Variants in ATP8A1 observed in about 807,000 individuals in gnomAD.
The protein encoded by ATP8A1 is phospholipid-transporting ATPase IA.
A neutral mutation model predicts 177.7 loss-of-function variants in ATP8A1; 90 were observed. The ratio of observed to expected loss-of-function variants is 0.51; its 90% CI spans 0.43 to 0.60. The LOEUF (loss-of-function observed/expected upper bound fraction) is 0.60, where lower values mean the gene tolerates loss of function less well. Among genes scored for constraint, ATP8A1 ranks in the 20% least tolerant of loss-of-function variants. The pLI is 0.00. For synonymous variants in ATP8A1, 493 were observed against 485.9 expected (o/e 1.01, Z -0.19); for missense variants, 1,072 against 1,392.8 (o/e 0.77, Z 3.67).
intron 22 of ATP8A1, among the ~76,000 whole-genome samples, chr4:42,514,245 A>T (rs201411462): frequency 9.9e-5 from 15 of 152,182 alleles, no homozygotes; most frequent in East Asian, 9.6e-4. Context: ...GCCAGAATTC[A>T]CACACCCAGC....
At position 42,586,407 on chromosome 4, in the gene ATP8A1, C is replaced by T; in HGVS notation, c.664G>A (p.Glu222Lys). 1 of 1,614,098 alleles carries T rather than the reference C, an allele frequency of 6.2e-7. No individual in the cohort carries two copies. Among genetic ancestry groups the T allele is most frequent in the Non-Finnish European group, 8.5e-7 (1 of 1,179,960 alleles). ...TCGTAGAGATGTCTGTTTGGACTTT[C>T]ACACTCAATTCTGCCAGAAATCCTC... ...LMRISGRIEC[E>K]SPNRHLYDFV... is the part of the protein sequence containing the mutation. The change falls in exon 9 of 37, where the codon GAA becomes AAA. Residue 222 changes from glutamate (E) to lysine (K), a missense_variant. Coordinates refer to ENST00000381668, the MANE Select transcript of ATP8A1 (RefSeq NM_006095.2).
chr4:42,453,201 C>CT (rs1718119950), intron 29 of ATP8A1, among the ~76,000 whole-genome samples: 1 of 152,166 alleles, frequency 6.6e-6, no homozygotes, highest in Non-Finnish European at 1.5e-5. Flanking sequence ...ACCTCCGACC[C>CT]TTTTTACCAT....
intron 27 of ATP8A1, among the ~76,000 whole-genome samples, chr4:42,461,260 T>TTTTTTTTTTC (rs1719110951): frequency 6.6e-6 from 1 of 151,106 alleles, no homozygotes; most frequent in Non-Finnish European, 1.5e-5. Flanking sequence ...TTTTTTTTTT[T>TTTTTTTTTTC]TTGCTTTTTG....
intron 21 of ATP8A1, 31 bp downstream of exon 21, chr4:42,524,732 T>A (rs1317006788): frequency 7.1e-7 from 1 of 1,414,324 alleles, no homozygotes; most frequent in Non-Finnish European, 9.9e-7. Context: ...CTTTGTATTT[T>A]AATCATGCTT....
At chr4:42,505,361 T>C (rs572878786) in intron 23 of ATP8A1, among the ~76,000 whole-genome samples, 1 of 152,234 alleles carries the variant, frequency 6.6e-6, no homozygotes, top group Non-Finnish European at 1.5e-5. Flanking sequence ...GGAACATTCA[T>C]AATGGTGAAC....
At chr4:42,437,559 T>C (rs1202373725) in intron 33 of ATP8A1, among the ~76,000 whole-genome samples, 1 of 152,216 alleles carries the variant, frequency 6.6e-6, no homozygotes, top group East Asian at 1.9e-4. Flanking sequence ...TGATTTCTTA[T>C]TGTTGCATTT....
At position 42,616,021 on chromosome 4, in the gene ATP8A1, T is replaced by C. The variant is rs1420920699; in HGVS notation, c.409+12A>G. 1 of 1,610,440 alleles carries C rather than the reference T, an allele frequency of 6.2e-7. No individual in the cohort carries two copies. The highest frequency in any genetic ancestry group is 1.3e-5 in the African/African-American group (1 of 74,836). On this transcript the variant is annotated intron_variant, in intron 5 of 36. Transcript: ENST00000381668. ...TTGACAAATATGAGAAAAAAGCATG[T>C]AAAATTCCTACCTTGCGTTTGTTTC...
chr4:42,491,674 C>G (rs1255441972), intron 24 of ATP8A1, among the ~76,000 whole-genome samples: 1 of 152,160 alleles, frequency 6.6e-6, no homozygotes, highest in Non-Finnish European at 1.5e-5. Flanking sequence ...TGGCAAAACT[C>G]TGCTTGGAAC....
intron 20 of ATP8A1, among the ~76,000 whole-genome samples, chr4:42,535,492 T>C (rs1002554792): frequency 1.1e-4 from 17 of 151,596 alleles, no homozygotes; most frequent in African/African-American, 3.6e-4. Flanking sequence ...TGAAAGGGGA[T>C]AGACAGCAGC....
chr4:42,468,534 C>G (rs1365812287), intron 25 of ATP8A1, among the ~76,000 whole-genome samples: 1 of 151,938 alleles, frequency 6.6e-6, no homozygotes, highest in Non-Finnish European at 1.5e-5. Context: ...TCATAGCAAC[C>G]TGGATGGAAC....
chr4:42,613,543 TTATAC>T (rs1168711358), intron 5 of ATP8A1, among the ~76,000 whole-genome samples: 1 of 152,058 alleles, frequency 6.6e-6, no homozygotes, highest in Non-Finnish European at 1.5e-5. Context: ...TAAATAGTTG[TTATAC>T]TATATTTTTA....
intron 5 of ATP8A1, among the ~76,000 whole-genome samples, chr4:42,611,907 G>A (rs1362777109): frequency 6.6e-6 from 1 of 152,226 alleles, no homozygotes; most frequent in Non-Finnish European, 1.5e-5. Context: ...ACACATGGAG[G>A]AGGCTGTGCC....
At chr4:42,601,959 T>G (rs551899657) in intron 5 of ATP8A1, among the ~76,000 whole-genome samples, 1 of 151,812 alleles carries the variant, frequency 6.6e-6, no homozygotes, top group Non-Finnish European at 1.5e-5. Context: ...TTATCTGTGT[T>G]TCTAAATTCC....
At chr4:42,489,957 T>C (rs1000169577) in intron 24 of ATP8A1, among the ~76,000 whole-genome samples, 2 of 152,162 alleles carry the variant, frequency 1.3e-5, no homozygotes, top group African/African-American at 4.8e-5. Flanking sequence ...CTCTATTTCC[T>C]TGTTCTGCAT....
At position 42,657,067 on chromosome 4, in the gene ATP8A1, G is replaced by A. The variant is rs1052238553; in HGVS notation, c.-194C>T. On this transcript the variant is annotated 5_prime_UTR_variant, in exon 1 of 37. Transcript: ENST00000381668. Reference sequence around the variant, plus strand: ...GGAGGAGGAGAAAGGCAGCGGTGGCGGCGAAGGTGGCGGCGCCCGCAGAGC... The same window carrying A: ...GGAGGAGGAGAAAGGCAGCGGTGGCAGCGAAGGTGGCGGCGCCCGCAGAGC... 10 of 462,452 alleles carry A rather than the reference G, an allele frequency of 2.2e-5. No homozygotes were observed. The highest frequency in any genetic ancestry group is 1.1e-4 in the South Asian group (1 of 9,050). The allele number at this position is 462,452 out of a possible 1,614,324, so 28.6% of individuals were successfully genotyped here.
In ATP8A1 at chr4:42,523,473, G is replaced by A. The variant is rs1018072639; in HGVS notation, c.1808-1174C>T. Among the ~76,000 whole-genome samples the A allele has an allele frequency of 3.3e-5, 5 of 152,210 alleles. No individual in the cohort carries two copies. In the South Asian group the frequency reaches 8.3e-4, roughly 25 times the overall value. ...GTTCCCAGAGAACTCTACCTTCCAA[G>A]AAAGGGTGGTGTATTGCCAGATCAC... is the stretch of plus-strand genomic sequence containing the variant. On this transcript the variant is annotated intron_variant, in intron 21 of 36. Coordinates refer to ENST00000381668, the MANE Select transcript of ATP8A1 (RefSeq NM_006095.2).
intron 15 of ATP8A1, among the ~76,000 whole-genome samples, chr4:42,559,677 T>A (rs1212113431): frequency 6.6e-6 from 1 of 152,220 alleles, no homozygotes; most frequent in Non-Finnish European, 1.5e-5. Context: ...CAGTACTTGT[T>A]TTTTGTTTTG....
chr4:42,547,283 C>T (rs1729025660), intron 19 of ATP8A1, among the ~76,000 whole-genome samples: 1 of 152,224 alleles, frequency 6.6e-6, no homozygotes, highest in African/African-American at 2.4e-5. Flanking sequence ...GCCAATCCCT[C>T]ACAAAGTCTC....
At position 42,422,843 on chromosome 4, in the gene ATP8A1, T is replaced by G. The variant is rs750400512; in HGVS notation, c.3269A>C (p.Lys1090Thr). The change falls in exon 35 of 37, where the codon AAA (lysine) becomes ACA (threonine). Residue 1090 changes from lysine (K) to threonine (T), a missense_variant. Around this residue, in one of 5 missense-constraint regions of ATP8A1, gnomAD observed 316 missense variants for 459.1 expected, o/e 0.69. Transcript: ENST00000381668. ...LVDEVQELEA[K>T]SQDPGAVVLG... ...TACAACTGCTCCTGGGTCTTGAGAT[T>G]TTGCCTCCAGCTCCTGAACTTCATC... is the stretch of plus-strand genomic sequence containing the variant. 19 of 1,613,046 alleles carry G rather than the reference T, an allele frequency of 1.2e-5. No individual in the cohort carries two copies. In the East Asian group the frequency reaches 4.2e-4, roughly 36 times the overall value.
Sources: allele counts gnomAD v4.1 joint callset (sites outside exome capture counted in the v4.1 genomes callset), GRCh38; gene constraint gnomAD v4.1.1; regional missense constraint gnomAD v4.1.1; transcripts MANE v1.5; gene names NCBI Gene and HGNC (gene_info 2026-07-23, HGNC 2026-07-21).